The following RBMS1 variants were observed in gnomAD, a reference collection of about 807,000 sequenced individuals.
RBMS1 encodes the protein RNA-binding motif, single-stranded-interacting protein 1.
RBMS1 carries 17 observed loss-of-function variants against 62.3 expected under a neutral mutation model. The ratio of observed to expected loss-of-function variants is 0.27; its 90% CI spans 0.19 to 0.41. The LOEUF is 0.41. Ranked by LOEUF, RBMS1 falls within the 10% of genes least tolerant of loss-of-function variation. The pLI is 1.00. For missense variants in RBMS1, 334 were observed against 504.5 expected (o/e 0.66, Z 3.24); for synonymous variants, 172 against 170.0 (o/e 1.01, Z -0.09).
chr2:160,463,219 G>A (rs553103678), intron 1 of RBMS1, among the ~76,000 whole-genome samples: 11 of 152,156 alleles, frequency 7.2e-5, no homozygotes, highest in Non-Finnish European at 1.5e-4. Flanking sequence ...AGAAAAAAGA[G>A]GTTCAAAAAG....
chr2:160,407,456 C>A, intron 1 of RBMS1: 3 of 986,226 alleles, frequency 3.0e-6, no homozygotes, highest in Non-Finnish European at 3.6e-6. Flanking sequence ...TCCCGGCCGC[C>A]GCCTCACCTG....
intron 1 of RBMS1, among the ~76,000 whole-genome samples, chr2:160,487,621 G>C (rs1685649914): frequency 6.6e-6 from 1 of 152,186 alleles, no homozygotes; most frequent in African/African-American, 2.4e-5. Context: ...AGATATTATA[G>C]TGAATGTAGG....
chr2:160,438,962 G>C (rs1359009830), intron 1 of RBMS1, among the ~76,000 whole-genome samples: 1 of 150,506 alleles, frequency 6.6e-6, no homozygotes, highest in Non-Finnish European at 1.5e-5. Context: ...CAGTAGGGGC[G>C]GCCGGGCAGA....
intron 1 of RBMS1, among the ~76,000 whole-genome samples, chr2:160,447,833 T>C (rs1683723546): frequency 6.6e-6 from 1 of 152,236 alleles, no homozygotes; most frequent in Admixed American, 6.5e-5. Flanking sequence ...ACAGTAGCTC[T>C]TACACAGAAT....
intron 2 of RBMS1, among the ~76,000 whole-genome samples, chr2:160,332,413 A>G (rs994856975): frequency 2.0e-5 from 3 of 152,168 alleles, no homozygotes; most frequent in African/African-American, 7.2e-5. Flanking sequence ...CCATGCCACA[A>G]ACAAAAATCC....
intron 1 of RBMS1, among the ~76,000 whole-genome samples, chr2:160,416,954 C>G (rs767945218): frequency 2.0e-5 from 3 of 152,308 alleles, no homozygotes; most frequent in Non-Finnish European, 4.4e-5. Context: ...TGCTTTTTCT[C>G]TGTATTCTGT....
At position 160,374,925 on chromosome 2, in the gene RBMS1, C is replaced by A. The variant is rs189883910; in HGVS notation, c.76-7534G>T. 8.3e-4 allele frequency among the ~76,000 whole-genome samples: 126 copies of A among 151,448 alleles called. 1 individual carries two copies. The Middle Eastern group carries it at 0.01, about 12-fold the overall frequency. On this transcript the variant is annotated intron_variant, in intron 1 of 13. Coordinates refer to ENST00000348849, the MANE Select transcript of RBMS1 (RefSeq NM_016836.4). ...AGCCTGGGCAACAAGAGTGAAACTA[C>A]ATCTCGGGCGGGGGACGGTGGGGGG...
In RBMS1 at chr2:160,493,620, C is replaced by T. The variant is rs896907661; in HGVS notation, c.-257G>A. ...AGGCAGAAAGAAAGACACTGCAGAG[C>T]GCAGAGGGCACCCCGGACAGGGCGC... is the stretch of plus-strand genomic sequence containing the variant. On this transcript the variant is annotated 5_prime_UTR_variant, in exon 1 of 14. Transcript: ENST00000348849. The T allele has an allele frequency of 6.0e-5, 34 of 562,044 alleles. No individual in the cohort carries two copies. The South Asian group carries it at 6.6e-4, about 11-fold the overall frequency. 34.8% of individuals were successfully genotyped at this position (562,044 alleles called of 1,614,324 possible).
chr2:160,476,082 T>C (rs891455194), intron 1 of RBMS1, among the ~76,000 whole-genome samples: 1 of 152,112 alleles, frequency 6.6e-6, no homozygotes, highest in Admixed American at 6.5e-5. Flanking sequence ...GGTCTCAAAC[T>C]CCTGGACTCA....
chr2:160,328,066 CAG>C (rs931537681), intron 2 of RBMS1, among the ~76,000 whole-genome samples: 1 of 152,118 alleles, frequency 6.6e-6, no homozygotes, highest in African/African-American at 2.4e-5. Flanking sequence ...GAGTTGCCAC[CAG>C]AGAGACCATA....
chr2:160,393,479 T>C (rs1267213241), intron 1 of RBMS1, among the ~76,000 whole-genome samples: 2 of 151,942 alleles, frequency 1.3e-5, no homozygotes, highest in Non-Finnish European at 2.9e-5. Context: ...CTGAATTTGG[T>C]TGAAAATGGC....
chr2:160,428,530 T>C (rs62177356), intron 1 of RBMS1, among the ~76,000 whole-genome samples: 76,406 of 151,582 alleles, frequency 0.5, 20,353 homozygotes, highest in Admixed American at 0.63. Context: ...AGAAAAAAAC[T>C]CTATGGATTC....
chr2:160,275,522 C>A, intron 13 of RBMS1, 108 bp downstream of exon 13: 1 of 1,484,162 alleles, frequency 6.7e-7, no homozygotes, highest in Non-Finnish European at 9.0e-7. Flanking sequence ...ACGATTAAAG[C>A]AGTATGATAA....
intron 1 of RBMS1, among the ~76,000 whole-genome samples, chr2:160,374,115 A>C: frequency 6.6e-6 from 1 of 152,228 alleles, no homozygotes; most frequent in East Asian, 1.9e-4. Context: ...TCTACAAAAA[A>C]AATTTGGTGG....
intron 2 of RBMS1, among the ~76,000 whole-genome samples, chr2:160,361,728 G>C (rs1444421617): frequency 6.6e-6 from 1 of 152,200 alleles, no homozygotes; most frequent in African/African-American, 2.4e-5. Flanking sequence ...GGCTGAGGCA[G>C]AATCACTTGA....
intron 1 of RBMS1, among the ~76,000 whole-genome samples, chr2:160,445,059 G>T (rs1683586395): frequency 6.6e-6 from 1 of 152,068 alleles, no homozygotes; most frequent in African/African-American, 2.4e-5. Context: ...TTCCAAATAA[G>T]GGGAGAATCA....
intron 2 of RBMS1, among the ~76,000 whole-genome samples, chr2:160,319,928 A>G (rs939597819): frequency 6.6e-6 from 1 of 152,214 alleles, no homozygotes; most frequent in Non-Finnish European, 1.5e-5. Flanking sequence ...TCAAATGACA[A>G]TTACATCTAA....
chr2:160,427,559 CAT>C (rs1191328111), intron 1 of RBMS1, among the ~76,000 whole-genome samples: 14 of 79,458 alleles, frequency 1.8e-4, no homozygotes, highest in Non-Finnish European at 3.1e-4. Context: ...ATAGAGATTT[CAT>C]ATAGATCCAA....
intron 1 of RBMS1, among the ~76,000 whole-genome samples, chr2:160,393,440 A>C (rs1045315714): frequency 3.3e-5 from 5 of 152,192 alleles, no homozygotes; most frequent in Non-Finnish European, 5.9e-5. Context: ...TGTACTCTAA[A>C]ATATTGACTG....
Sources: allele counts gnomAD v4.1 joint callset (sites outside exome capture counted in the v4.1 genomes callset), GRCh38; gene constraint gnomAD v4.1.1; transcripts MANE v1.5; gene names NCBI Gene and HGNC (gene_info 2026-07-23, HGNC 2026-07-21).